Variants in GLI2 observed in about 807,000 individuals in gnomAD.
The protein encoded by GLI2 is GLI family zinc finger 2, also known as transcription activator GLI2.
A neutral mutation model predicts 78.9 loss-of-function variants in GLI2; 22 were observed. The observed-to-expected ratio is 0.28, with a 90% CI of 0.20 to 0.40. The LOEUF is 0.40. GLI2 is among the 10% of genes least tolerant of loss of function. The pLI, the probability that GLI2 is intolerant of heterozygous loss-of-function variation, is 1.00. For missense variants in GLI2, 2,097 were observed against 2,213.2 expected (o/e 0.95, Z 1.05); for synonymous variants, 974 against 963.7 (o/e 1.01, Z -0.20).
chr2:120,962,882 G>T lies in GLI2; in HGVS notation c.644-5832G>T, dbSNP rs566934187. On this transcript the variant is annotated intron_variant, in intron 5 of 13. Transcript: ENST00000361492. ...TAAAAAATGTGTTACGAAGATGTGTGTGTTTCTTACTTTATATCATGTTAG... is the reference window on the plus strand; with the variant it reads ...TAAAAAATGTGTTACGAAGATGTGTTTGTTTCTTACTTTATATCATGTTAG... Among the ~76,000 whole-genome samples, 7 of 152,284 alleles carry T rather than the reference G, an allele frequency of 4.6e-5. No individual in the cohort carries two copies. The South Asian group carries it at 1.5e-3, about 32-fold the overall frequency.
chr2:120,932,904 G>A (rs1229201910), intron 3 of GLI2, among the ~76,000 whole-genome samples: 5 of 152,174 alleles, frequency 3.3e-5, no homozygotes, highest in African/African-American at 4.8e-5. Context: ...AAGGAGTGCT[G>A]TGGTGCGGTG....
At chr2:120,738,306 A>G (rs571906678) in intron 1 of GLI2, among the ~76,000 whole-genome samples, 2 of 152,120 alleles carry the variant, frequency 1.3e-5, no homozygotes, top group South Asian at 2.1e-4. Context: ...TTGTTTTCCT[A>G]GACTTGCTGC....
intron 1 of GLI2, among the ~76,000 whole-genome samples, chr2:120,764,955 T>C (rs2104649708): frequency 6.6e-6 from 1 of 152,348 alleles, no homozygotes; most frequent in Non-Finnish European, 1.5e-5. Context: ...TGTAACATTT[T>C]GTTCATTTGT....
chr2:120,923,051 A>G (rs1053477916), intron 2 of GLI2, among the ~76,000 whole-genome samples: 1 of 152,026 alleles, frequency 6.6e-6, no homozygotes, highest in Non-Finnish European at 1.5e-5. Flanking sequence ...ACGTACACAC[A>G]GCAATACACA....
intron 12 of GLI2, among the ~76,000 whole-genome samples, 167 bp downstream of exon 12, chr2:120,984,910 A>G (rs1288646731): frequency 6.6e-6 from 1 of 152,120 alleles, no homozygotes; most frequent in Non-Finnish European, 1.5e-5. Context: ...TGGGCCTCAC[A>G]TGGAACCTAT....
Position 120,808,827 on chromosome 2 carries a change from T to G in GLI2, c.148+11359T>G, listed in dbSNP as rs187261736. ...TGGCATGTGGGCAGCGGGCTGCTGT[T>G]GTTATTCTCATGGGATAGTGGCAAC... On this transcript the variant is annotated intron_variant, in intron 2 of 13. Transcript: ENST00000361492. Among the ~76,000 whole-genome samples the G allele has an allele frequency of 3.3e-5, 5 of 152,246 alleles. No individual in the cohort carries two copies. The East Asian group carries it at 9.7e-4, about 29-fold the overall frequency.
chr2:120,777,894 G>T (rs1410599346), intron 1 of GLI2, among the ~76,000 whole-genome samples: 1 of 151,982 alleles, frequency 6.6e-6, no homozygotes, highest in African/African-American at 2.4e-5. Flanking sequence ...CCCAGGCTGG[G>T]GTGCAGAGCC....
At chr2:120,876,259 G>A (rs971445673) in intron 2 of GLI2, among the ~76,000 whole-genome samples, 6 of 152,124 alleles carry the variant, frequency 3.9e-5, no homozygotes, top group African/African-American at 7.2e-5. Context: ...GGAGAGTGGC[G>A]TGAACCCAGG....
At chr2:120,836,222 A>G (rs995049915) in intron 2 of GLI2, among the ~76,000 whole-genome samples, 1 of 152,026 alleles carries the variant, frequency 6.6e-6, no homozygotes, top group African/African-American at 2.4e-5. Context: ...AGACCAGAGA[A>G]TGTTGTGTTT....
intron 8 of GLI2, among the ~76,000 whole-genome samples, chr2:120,974,468 T>A (rs1011438467): frequency 6.6e-6 from 1 of 152,196 alleles, no homozygotes; most frequent in Non-Finnish European, 1.5e-5. Context: ...TCAAGGAATG[T>A]CTCAGGGGTC....
chr2:120,797,439 C>G lies in GLI2; in HGVS notation c.119C>G (p.Ala40Gly), dbSNP rs146868972. Residue 40 changes from alanine to glycine, a missense_variant, in exon 2 of 14, where the codon GCG becomes GGG. By Grantham distance (60) the Ala-to-Gly change is moderately conservative. Transcript: ENST00000361492. ...GCCTCTCCTTTGGTGGTGGCTGCAG[C>G]GGCAGCAGCAGCGGTAGCTGCCCAA... ...KKASPLVVAA[A>G]AAAAVAAQGV... 6.2e-7 allele frequency: 1 copy of G among 1,613,804 alleles called. No homozygotes were observed. Among genetic ancestry groups the G allele is most frequent in the African/African-American group, 1.3e-5 (1 of 74,924 alleles).
At chr2:120,818,230 C>A (rs1360093318) in intron 2 of GLI2, among the ~76,000 whole-genome samples, 1 of 152,180 alleles carries the variant, frequency 6.6e-6, no homozygotes, top group Non-Finnish European at 1.5e-5. Flanking sequence ...GCCTGCAGGG[C>A]AGGGGTGTGG....
chr2:120,824,981 G>A (rs11896536), intron 2 of GLI2, among the ~76,000 whole-genome samples: 8 of 152,070 alleles, frequency 5.3e-5, no homozygotes, highest in African/African-American at 1.9e-4. Flanking sequence ...GACTACAGGT[G>A]CCTGCCATCA....
intron 4 of GLI2, among the ~76,000 whole-genome samples, chr2:120,953,505 A>T (rs1681093595): frequency 6.6e-6 from 1 of 152,216 alleles, no homozygotes; most frequent in African/African-American, 2.4e-5. Context: ...CTGTTACAGC[A>T]TTTGCCCTGG....
At chr2:120,864,553 G>T (rs1688041118) in intron 2 of GLI2, among the ~76,000 whole-genome samples, 1 of 152,042 alleles carries the variant, frequency 6.6e-6, no homozygotes, top group South Asian at 2.1e-4. Context: ...CTCACTGCAA[G>T]CTCCGCCTCC....
intron 3 of GLI2, among the ~76,000 whole-genome samples, chr2:120,935,686 T>C (rs1190655534): frequency 6.6e-6 from 1 of 152,182 alleles, no homozygotes; most frequent in African/African-American, 2.4e-5. Flanking sequence ...GTAAGCAGCA[T>C]AGATTACTTA....
intron 3 of GLI2, among the ~76,000 whole-genome samples, chr2:120,937,391 C>T (rs1200584241): frequency 6.6e-6 from 1 of 152,138 alleles, no homozygotes; most frequent in Admixed American, 6.5e-5. Context: ...ACTACATGCC[C>T]CTTCTACCTC....
intron 1 of GLI2, among the ~76,000 whole-genome samples, chr2:120,751,062 A>G (rs1682858158): frequency 6.6e-6 from 1 of 152,208 alleles, no homozygotes; most frequent in Non-Finnish European, 1.5e-5. Flanking sequence ...GAAAAGGTAC[A>G]CGTGGCCTCC....
At chr2:120,921,675 G>GC (rs1170100721) in intron 2 of GLI2, among the ~76,000 whole-genome samples, 2 of 152,154 alleles carry the variant, frequency 1.3e-5, no homozygotes, top group African/African-American at 4.8e-5. Flanking sequence ...GGGCACCACT[G>GC]CCCCACAGCA....
Sources: gnomAD v4.1 joint callset for allele counts (sites outside exome capture counted in the v4.1 genomes callset) on GRCh38, gnomAD v4.1.1 for gene constraint, MANE v1.5 for transcripts, NCBI Gene and HGNC (gene_info 2026-07-23, HGNC 2026-07-21) for gene names.